ZNF469: variants seen among roughly 807,000 people sequenced by gnomAD.
ZNF469 encodes zinc finger protein 469.
ZNF469 carries 1 observed loss-of-function variant against 1.0 expected under a neutral mutation model. The ratio of observed to expected loss-of-function variants is 1.00; its 90% CI spans 0.35 to 4.73. The LOEUF is 4.73. ZNF469 is among the 30% of genes most tolerant of loss of function. ZNF469 has a pLI of 0.16. For missense variants in ZNF469, 6,100 were observed against 5,356.3 expected (o/e 1.14, Z -4.33); for synonymous variants, 2,703 against 2,363.4 (o/e 1.14, Z -4.17).
the ZNF469 span, among the ~76,000 whole-genome samples, chr16:88,176,548 C>T: frequency 1.4e-4 from 21 of 152,342 alleles, no homozygotes; most frequent in Admixed American, 1.2e-3. Flanking sequence ...GACGCAATGG[C>T]GGCCTCCACA....
the ZNF469 span, among the ~76,000 whole-genome samples, chr16:88,305,939 C>T: frequency 7.2e-5 from 11 of 152,282 alleles, no homozygotes; most frequent in South Asian, 2.1e-4. Context: ...CACACTGTCA[C>T]GTAAACCCAC....
the ZNF469 span, among the ~76,000 whole-genome samples, chr16:88,282,264 A>G: frequency 6.6e-6 from 1 of 152,142 alleles, no homozygotes; most frequent in African/African-American, 2.4e-5. Context: ...CACCTTGTGG[A>G]TGGTGGTCGG....
At chr16:88,121,891 G>A in the ZNF469 span, among the ~76,000 whole-genome samples, 13 of 152,308 alleles carry the variant, frequency 8.5e-5, no homozygotes, top group Middle Eastern at 3.4e-3. Context: ...TCGTGGTAAC[G>A]CGTACAGAGA....
chr16:88,418,687 C>T (rs1296355386), intron 1 of ZNF469, among the ~76,000 whole-genome samples: 1 of 152,156 alleles, frequency 6.6e-6, no homozygotes, highest in African/African-American at 2.4e-5. Flanking sequence ...CCTCCAATGC[C>T]GGCCTCCACT....
Position 88,428,857 on chromosome 16 carries a change from T to A in ZNF469, c.1387T>A (p.Phe463Ile). The A allele has an allele frequency of 6.5e-7, 1 of 1,548,504 alleles. No individual in the cohort carries two copies. Among genetic ancestry groups the A allele is most frequent in the Non-Finnish European group, 8.7e-7 (1 of 1,146,460 alleles). The change falls in exon 3 of 3, where the codon TTC (phenylalanine) becomes ATC (isoleucine). Residue 463 changes from phenylalanine to isoleucine, a missense_variant. Coordinates refer to ENST00000565624, the MANE Select transcript of ZNF469 (RefSeq NM_001367624.2). ...GGPLAATRSM[F>I]FNGQPSPGQR... is the part of the protein sequence containing the mutation. ...CCCCCTGGCTGCCACCAGGAGTATG[T>A]TCTTTAACGGCCAGCCCAGCCCAGG...
At chr16:88,347,991 C>T in the ZNF469 span, among the ~76,000 whole-genome samples, 5 of 152,242 alleles carry the variant, frequency 3.3e-5, no homozygotes, top group Admixed American at 6.5e-5. Context: ...GAGGCCCAAA[C>T]GGTCTACCCT....
chr16:88,432,043 A>G lies in ZNF469; in HGVS notation c.4573A>G (p.Ser1525Gly). The change falls in exon 3 of 3, where the codon AGT becomes GGT. Residue 1525 changes from serine to glycine, a missense_variant. Physicochemically the swap from Ser to Gly is moderately conservative, Grantham distance 56 (BLOSUM62 0). Transcript: ENST00000565624. ...TGATCTCTCGGGGGGAAAGGTGCTCAGTAAGACGTGTCCCCCTGAACGGAC... is the reference window on the plus strand; with the variant it reads ...TGATCTCTCGGGGGGAAAGGTGCTCGGTAAGACGTGTCCCCCTGAACGGAC... ...FPDLSGGKVL[S>G]KTCPPERTVV... 1.3e-6 allele frequency: 2 copies of G among 1,550,502 alleles called. No homozygotes were observed. Among genetic ancestry groups the G allele is most frequent in the South Asian group, 2.4e-5 (2 of 84,054 alleles).
At chr16:88,176,699 C>T in the ZNF469 span, among the ~76,000 whole-genome samples, 1 of 152,274 alleles carries the variant, frequency 6.6e-6, no homozygotes, top group African/African-American at 2.4e-5. Flanking sequence ...GGTTGCTACG[C>T]TGCCTGTGGT....
chr16:88,267,938 A>G, the ZNF469 span, among the ~76,000 whole-genome samples: 2 of 152,008 alleles, frequency 1.3e-5, no homozygotes, highest in African/African-American at 4.8e-5. Context: ...CGGCTGAGCC[A>G]TTTCCCATGC....
At chr16:88,134,992 C>G in the ZNF469 span, among the ~76,000 whole-genome samples, 1 of 152,218 alleles carries the variant, frequency 6.6e-6, no homozygotes, top group Non-Finnish European at 1.5e-5. Context: ...GTCCCCAGGC[C>G]GCTCCTCCCT....
At chr16:88,363,581 A>G in the ZNF469 span, among the ~76,000 whole-genome samples, 1 of 152,264 alleles carries the variant, frequency 6.6e-6, no homozygotes, top group South Asian at 2.1e-4. Context: ...GGTCTCTCCT[A>G]TTTAAGATCT....
the ZNF469 span, chr16:88,194,210 G>A: frequency 1.8e-4 from 27 of 152,284 alleles, no homozygotes; most frequent in African/African-American, 6.5e-4. Flanking sequence ...GCCTGCTCAG[G>A]CCACACGGCC....
chr16:88,273,754 G>A, the ZNF469 span, among the ~76,000 whole-genome samples: 3 of 152,006 alleles, frequency 2.0e-5, no homozygotes, highest in African/African-American at 7.3e-5. Context: ...TTCAGTGTCC[G>A]TGGACAGGTG....
At chr16:88,292,264 T>A in the ZNF469 span, among the ~76,000 whole-genome samples, 1 of 152,126 alleles carries the variant, frequency 6.6e-6, no homozygotes, top group African/African-American at 2.4e-5. Flanking sequence ...CAGCAGCCGA[T>A]GCTTGGGTCC....
chr16:88,333,898 GT>G, the ZNF469 span, among the ~76,000 whole-genome samples: 1 of 150,006 alleles, frequency 6.7e-6, no homozygotes, highest in African/African-American at 2.4e-5. Flanking sequence ...CTGTGTGTGT[GT>G]TTTTGTGCAT....
chr16:88,240,836 C>T, the ZNF469 span, among the ~76,000 whole-genome samples: 99,228 of 151,996 alleles, frequency 0.65, 35,152 homozygotes, highest in Non-Finnish European at 0.8. Context: ...GGCCCACTTC[C>T]CCTCCCCAGC....
chr16:88,354,518 C>T, the ZNF469 span, among the ~76,000 whole-genome samples: 53 of 152,230 alleles, frequency 3.5e-4, no homozygotes, highest in African/African-American at 1.2e-3. Flanking sequence ...CCACAGGAGC[C>T]GACCGCACCC....
chr16:88,142,497 G>A, the ZNF469 span, among the ~76,000 whole-genome samples: 1 of 152,348 alleles, frequency 6.6e-6, no homozygotes, highest in East Asian at 1.9e-4. Context: ...AGCCCAGTGT[G>A]AGCCTCAAGC....
rs1031734497 is a variant in ZNF469 at position 88,430,428 on chromosome 16, C to T, written c.2958C>T (p.Leu986=). Residue 986 remains leucine (L), a synonymous_variant, in exon 3 of 3, where the codon CTC becomes CTT. Coordinates refer to ENST00000565624, the MANE Select transcript of ZNF469 (RefSeq NM_001367624.2). ...TGAGGCCCCGGAGGAACGACGGTCTCGGGGAGCGGCCCCCACCCCGTCCCC... is the reference window on the plus strand; with the variant it reads ...TGAGGCCCCGGAGGAACGACGGTCTTGGGGAGCGGCCCCCACCCCGTCCCC... ...SGLRPRRNDG[L]GERPPPRPRR... 2.6e-6 allele frequency: 4 copies of T among 1,518,928 alleles called. No homozygotes were observed. Among genetic ancestry groups the T allele is most frequent in the Non-Finnish European group, 2.6e-6 (3 of 1,137,840 alleles). 94.1% of individuals were successfully genotyped at this position (1,518,928 alleles called of 1,614,324 possible). A position where few individuals can be genotyped will look rare whatever the true frequency, so the allele number is the denominator to read the frequency against.
Sources: allele counts gnomAD v4.1 joint callset (sites outside exome capture counted in the v4.1 genomes callset), GRCh38; gene constraint gnomAD v4.1.1; transcripts MANE v1.5; gene names NCBI Gene and HGNC (gene_info 2026-07-23, HGNC 2026-07-21).